Variants in ADARB2 observed in about 807,000 individuals in gnomAD.
ADARB2 encodes the protein inactive double-stranded RNA-specific editase B2.
In ADARB2, 25 loss-of-function variants were observed where a neutral mutation model predicts 62.2. That is an observed-to-expected ratio of 0.40 (90% confidence interval 0.29 to 0.56). The LOEUF is 0.56. Ranked by LOEUF, ADARB2 falls within the 20% of genes least tolerant of loss-of-function variation. ADARB2 has a pLI of 0.43. For missense variants in ADARB2, 1,071 were observed against 1,077.4 expected (o/e 0.99, Z 0.08); for synonymous variants, 572 against 500.8 (o/e 1.14, Z -1.90).
intron 4 of ADARB2, among the ~76,000 whole-genome samples, chr10:1,261,291 A>G (rs1317302205): frequency 1.3e-5 from 2 of 150,332 alleles, no homozygotes; most frequent in Non-Finnish European, 1.5e-5. Flanking sequence ...ACAAAAGACA[A>G]AATTGACAAA....
chr10:1,198,749 A>G (rs1836943392), intron 8 of ADARB2, among the ~76,000 whole-genome samples: 1 of 152,236 alleles, frequency 6.6e-6, no homozygotes, highest in Non-Finnish European at 1.5e-5. Context: ...CACTGTGTTC[A>G]CACTTAGGAT....
At chr10:1,446,849 T>C (rs1830977418) in intron 1 of ADARB2, among the ~76,000 whole-genome samples, 1 of 152,218 alleles carries the variant, frequency 6.6e-6, no homozygotes, top group Non-Finnish European at 1.5e-5. Flanking sequence ...TTGATACTCC[T>C]GCCAAAGTGC....
intron 1 of ADARB2, among the ~76,000 whole-genome samples, chr10:1,500,846 C>T (rs980898620): frequency 6.6e-6 from 1 of 152,140 alleles, no homozygotes; most frequent in African/African-American, 2.4e-5. Flanking sequence ...AACCTAGAGT[C>T]ATATTCTCTA....
At position 1,242,431 on chromosome 10, in the gene ADARB2, G is replaced by T. The variant is rs1830935025; in HGVS notation, c.1193-132C>A. The T allele has an allele frequency of 3.3e-6, 4 of 1,224,290 alleles. No individual in the cohort carries two copies. The African/African-American group carries it at 6.1e-5, about 19-fold the overall frequency. 75.8% of individuals were successfully genotyped at this position (1,224,290 alleles called of 1,614,324 possible). A position where few individuals can be genotyped will look rare whatever the true frequency, so the allele number is the denominator to read the frequency against. Reference sequence around the variant, plus strand: ...TTGGAAACACTGCGTTTTGAGAGCTGGGAAGCGAGGCTTCTGTGTGCTCCA... The same window carrying T: ...TTGGAAACACTGCGTTTTGAGAGCTTGGAAGCGAGGCTTCTGTGTGCTCCA... On this transcript the variant is annotated intron_variant, in intron 4 of 9. Coordinates refer to ENST00000381312, the MANE Select transcript of ADARB2 (RefSeq NM_018702.4).
intron 1 of ADARB2, among the ~76,000 whole-genome samples, chr10:1,402,717 A>G (rs898284880): frequency 6.6e-6 from 1 of 151,902 alleles, no homozygotes; most frequent in Non-Finnish European, 1.5e-5. Context: ...CCTGCCCCGC[A>G]GCTTCCTGAG....
chr10:1,298,796 G>A (rs1468694968), intron 3 of ADARB2, among the ~76,000 whole-genome samples: 1 of 122,228 alleles, frequency 8.2e-6, no homozygotes, highest in Admixed American at 1.0e-4. Context: ...CTGGAGTGCA[G>A]TGGCACACTC....
chr10:1,567,389 C>T (rs1832872929), intron 1 of ADARB2, among the ~76,000 whole-genome samples: 1 of 152,216 alleles, frequency 6.6e-6, no homozygotes, highest in Admixed American at 6.5e-5. Context: ...CTGGATGTGG[C>T]TGTGGGTGTT....
At chr10:1,721,380 T>G (rs1835090521) in intron 1 of ADARB2, among the ~76,000 whole-genome samples, 1 of 152,168 alleles carries the variant, frequency 6.6e-6, no homozygotes, top group Non-Finnish European at 1.5e-5. Context: ...AACACAGACT[T>G]TAAAAGTACC....
intron 1 of ADARB2, among the ~76,000 whole-genome samples, chr10:1,545,934 C>A (rs1274506467): frequency 1.3e-5 from 2 of 152,128 alleles, no homozygotes; most frequent in Admixed American, 1.3e-4. Flanking sequence ...GAGAAATGGA[C>A]CCTTCTGGTC....
At chr10:1,345,703 A>G (rs1349573640) in intron 3 of ADARB2, among the ~76,000 whole-genome samples, 1 of 152,204 alleles carries the variant, frequency 6.6e-6, no homozygotes, top group Admixed American at 6.5e-5. Flanking sequence ...CAAGAATTGT[A>G]GGGTCATGTA....
intron 1 of ADARB2, among the ~76,000 whole-genome samples, chr10:1,395,858 G>A (rs1832608439): frequency 6.6e-6 from 1 of 152,180 alleles, no homozygotes; most frequent in Non-Finnish European, 1.5e-5. Flanking sequence ...CCTTGCTGAC[G>A]CTTGCCCTTC....
intron 5 of ADARB2, chr10:1,240,318 T>TC (rs111642506): frequency 2.1e-5 from 3 of 144,516 alleles, no homozygotes; most frequent in South Asian, 2.3e-4. Flanking sequence ...CGGTGTTTAC[T>TC]CCCCTCTGCC....
chr10:1,184,060 G>A (rs898500612), intron 9 of ADARB2, among the ~76,000 whole-genome samples: 2 of 152,236 alleles, frequency 1.3e-5, no homozygotes, highest in African/African-American at 4.8e-5. Context: ...ACAGGACAGA[G>A]GCTGAGAGCT....
chr10:1,675,523 T>C, intron 1 of ADARB2: 1 of 967,262 alleles, frequency 1.0e-6, no homozygotes, highest in Non-Finnish European at 1.2e-6. Flanking sequence ...GATGCGTGGA[T>C]GTTCAGGAGG....
intron 7 of ADARB2, among the ~76,000 whole-genome samples, chr10:1,208,411 C>G (rs753772471): frequency 6.6e-6 from 1 of 152,226 alleles, no homozygotes; most frequent in Non-Finnish European, 1.5e-5. Flanking sequence ...CACCCACTGG[C>G]TCTGAGGTCA....
At chr10:1,533,933 T>C (rs1394537321) in intron 1 of ADARB2, among the ~76,000 whole-genome samples, 1 of 152,092 alleles carries the variant, frequency 6.6e-6, no homozygotes, top group Non-Finnish European at 1.5e-5. Flanking sequence ...AATATTTTTG[T>C]AAATAATTTT....
At chr10:1,508,942 A>T (rs1831885813) in intron 1 of ADARB2, among the ~76,000 whole-genome samples, 1 of 152,088 alleles carries the variant, frequency 6.6e-6, no homozygotes, top group Non-Finnish European at 1.5e-5. Flanking sequence ...TTCAGGTGAG[A>T]AGTCGTCTGG....
intron 1 of ADARB2, among the ~76,000 whole-genome samples, chr10:1,586,000 C>G (rs1440185959): frequency 1.3e-5 from 2 of 152,148 alleles, no homozygotes; most frequent in African/African-American, 2.4e-5. Context: ...CGCCACTGCA[C>G]TCCAGCCTGG....
chr10:1,401,807 G>A (rs1398031812), intron 1 of ADARB2, among the ~76,000 whole-genome samples: 1 of 152,138 alleles, frequency 6.6e-6, no homozygotes, highest in Non-Finnish European at 1.5e-5. Flanking sequence ...AAACTGCAGC[G>A]AGGCCTGGGG....
Sources: allele counts gnomAD v4.1 joint callset (sites outside exome capture counted in the v4.1 genomes callset), GRCh38; gene constraint gnomAD v4.1.1; transcripts MANE v1.5; gene names NCBI Gene and HGNC (gene_info 2026-07-23, HGNC 2026-07-21).